EPHA10: variants seen among roughly 807,000 people sequenced by gnomAD.
EPHA10 encodes ephrin type-A receptor 10.
In EPHA10, 120 loss-of-function variants were observed where a neutral mutation model predicts 109.7. The ratio of observed to expected loss-of-function variants is 1.09; its 90% CI spans 0.94 to 1.27. The LOEUF is 1.27. EPHA10 is among the 50% of genes most tolerant of loss of function. The pLI is 0.00. For synonymous variants in EPHA10, 640 were observed against 618.9 expected (o/e 1.03, Z -0.51); for missense variants, 1,396 against 1,411.1 (o/e 0.99, Z 0.17).
chr1:37,724,841 G>C (rs981305496), intron 8 of EPHA10, among the ~76,000 whole-genome samples: 9 of 152,160 alleles, frequency 5.9e-5, no homozygotes, highest in African/African-American at 2.2e-4. Context: ...GGACTGGGTG[G>C]CTCCATTTTC....
At position 37,731,414 on chromosome 1, in the gene EPHA10, C is replaced by A; in HGVS notation, c.1660G>T (p.Glu554Ter). The A allele has an allele frequency of 1.2e-6, 2 of 1,604,028 alleles. No homozygotes were observed. Among genetic ancestry groups the A allele is most frequent in the Admixed American group, 1.7e-5 (1 of 59,106 alleles). The change falls in exon 7 of 17, where the codon GAG (glutamate) becomes TAG (stop). Residue 554 changes from glutamate to a stop codon, truncating the protein, a stop_gained. Coordinates refer to ENST00000373048, the MANE Select transcript of EPHA10 (RefSeq NM_001099439.2). LOFTEE classifies it high-confidence loss of function. ...NPSIEVQTLG[E>*]AASGSRDQSP... ...TCCACTCACACACACTACTTACCCT[C>A]CCCCAGGGTCTGTACTTCAATGCTG...
intron 7 of EPHA10, among the ~76,000 whole-genome samples, chr1:37,728,965 C>G (rs1448607417): frequency 6.6e-6 from 1 of 152,126 alleles, no homozygotes; most frequent in East Asian, 1.9e-4. Context: ...GTATCCATTC[C>G]CCATGAGCAC....
At chr1:37,719,736 A>T in intron 14 of EPHA10, 129 bp from the exon 15 acceptor site, 1 of 1,400,266 alleles carries the variant, frequency 7.1e-7, no homozygotes, top group Non-Finnish European at 9.9e-7. Context: ...ACACAGACAC[A>T]CACACACACA....
In EPHA10 at chr1:37,764,968, G is replaced by C; in HGVS notation, c.99C>G (p.Ala33=). The C allele has an allele frequency of 6.2e-7, 1 of 1,606,314 alleles. No homozygotes were observed. Among genetic ancestry groups the C allele is most frequent in the Non-Finnish European group, 8.5e-7 (1 of 1,177,502 alleles). ...LLLGPWRPGT[A]EEVILLDSKA... is the part of the protein sequence containing the mutation. ...GCTCACCAGTCTTCTCACCTTCCTC[G>C]GCGGTCCCAGGCCGCCAGGGTCCCA... Residue 33 remains alanine (A), a synonymous_variant, in exon 1 of 17, where the codon GCC becomes GCG. Transcript: ENST00000373048. The surrounding 1 kb of genome is among the most constrained non-coding windows in gnomAD (Gnocchi z 5.8).
chr1:37,744,478 C>A (rs1646201514), intron 5 of EPHA10, among the ~76,000 whole-genome samples: 1 of 151,676 alleles, frequency 6.6e-6, no homozygotes, highest in African/African-American at 2.4e-5. Context: ...AGAGATCATG[C>A]CACTGCACTC....
intron 5 of EPHA10, among the ~76,000 whole-genome samples, chr1:37,737,084 T>C (rs1251782612): frequency 1.3e-5 from 2 of 151,904 alleles, no homozygotes; most frequent in Non-Finnish European, 2.9e-5. Flanking sequence ...TTTGCAGAAA[T>C]AGAAAAAACA....
chr1:37,719,335 C>CG (rs1244736277), intron 15 of EPHA10, 79 bp downstream of exon 15: 1 of 1,488,834 alleles, frequency 6.7e-7, no homozygotes, highest in East Asian at 2.3e-5. Flanking sequence ...GTGGTGGAGG[C>CG]GGTGGGTTTG....
chr1:37,721,503 C>T (rs1300743251), intron 11 of EPHA10, among the ~76,000 whole-genome samples, 157 bp downstream of exon 11: 3 of 152,134 alleles, frequency 2.0e-5, no homozygotes, highest in Middle Eastern at 3.4e-3. Context: ...GGAGAAGGGC[C>T]GCCTTGAGTC....
chr1:37,762,721 G>C (rs867263310), intron 2 of EPHA10, 64 bp downstream of exon 2: 1 of 1,431,428 alleles, frequency 7.0e-7, no homozygotes, highest in African/African-American at 1.4e-5. Context: ...ATGAGGAGCT[G>C]AGGAGACTGT....
Position 37,752,856 on chromosome 1 carries a change from G to A in EPHA10, c.1357+20C>T. On this transcript the variant is annotated intron_variant, in intron 5 of 16. Coordinates refer to ENST00000373048, the MANE Select transcript of EPHA10 (RefSeq NM_001099439.2). ...CGGCAGGCGCGGTGGCCTCGGGGTG[G>A]GGGGCGCGGACGGCCTTACCCCCGG... is the stretch of plus-strand genomic sequence containing the variant. 1 of 1,255,478 alleles carries A rather than the reference G, an allele frequency of 8.0e-7. No individual in the cohort carries two copies. The highest frequency in any genetic ancestry group is 1.0e-6 in the Non-Finnish European group (1 of 999,358). 77.8% of individuals were successfully genotyped at this position (1,255,478 alleles called of 1,614,324 possible). A position where few individuals can be genotyped will look rare whatever the true frequency, so the allele number is the denominator to read the frequency against.
intron 3 of EPHA10, chr1:37,756,709 C>T (rs1185239671): frequency 1.3e-5 from 2 of 152,324 alleles, no homozygotes; most frequent in African/African-American, 2.4e-5. Flanking sequence ...CCATTAGCTT[C>T]GCTGTCTGTA....
At chr1:37,722,316 A>C in intron 10 of EPHA10, 1 of 245,622 alleles carries the variant, frequency 4.1e-6, no homozygotes, top group Non-Finnish European at 8.3e-6. Context: ...AGGACAGGGC[A>C]TATGCCAGCA....
At position 37,717,528 on chromosome 1, in the gene EPHA10, T is replaced by G; in HGVS notation, c.*844A>C. The G allele has an allele frequency of 4.3e-6, 1 of 231,262 alleles. No homozygotes were observed. The highest frequency in any genetic ancestry group is 8.6e-6 in the Non-Finnish European group (1 of 116,820). 14.3% of individuals were successfully genotyped at this position (231,262 alleles called of 1,614,324 possible). On this transcript the variant is annotated 3_prime_UTR_variant, in exon 17 of 17. Transcript: ENST00000373048. ...CCATCTCTGAGTCTCCTCTTCACCCTCCCCATGGCTGGAGAGAAAAGCTCT... is the reference window on the plus strand; with the variant it reads ...CCATCTCTGAGTCTCCTCTTCACCCGCCCCATGGCTGGAGAGAAAAGCTCT...
At chr1:37,731,982 A>G (rs1248244194) in intron 6 of EPHA10, among the ~76,000 whole-genome samples, 1 of 152,198 alleles carries the variant, frequency 6.6e-6, no homozygotes, top group Non-Finnish European at 1.5e-5. Context: ...GCCCTGACAC[A>G]TGAAAGCCCC....
At chr1:37,730,664 C>T (rs1380470387) in intron 7 of EPHA10, among the ~76,000 whole-genome samples, 1 of 152,052 alleles carries the variant, frequency 6.6e-6, no homozygotes, top group Non-Finnish European at 1.5e-5. Context: ...CGTTCGCATA[C>T]CATGTGATTT....
At chr1:37,759,675 C>T (rs2148369797) in intron 3 of EPHA10, among the ~76,000 whole-genome samples, 1 of 152,206 alleles carries the variant, frequency 6.6e-6, no homozygotes, top group Admixed American at 6.5e-5. Flanking sequence ...CCCACCTACT[C>T]AGGAGGCTGA....
intron 5 of EPHA10, among the ~76,000 whole-genome samples, chr1:37,750,781 A>T (rs1185950487): frequency 6.6e-6 from 1 of 151,898 alleles, no homozygotes; most frequent in Non-Finnish European, 1.5e-5. Flanking sequence ...GGGTCTCACT[A>T]TATTGCTCCT....
chr1:37,741,985 G>A (rs1220550667), intron 5 of EPHA10, among the ~76,000 whole-genome samples: 15 of 152,216 alleles, frequency 9.9e-5, no homozygotes, highest in Admixed American at 9.2e-4. Flanking sequence ...AGATGGGGCA[G>A]AGATGGAAAA....
At chr1:37,722,210 A>G in intron 10 of EPHA10, 1 of 230,092 alleles carries the variant, frequency 4.3e-6, no homozygotes, top group East Asian at 1.3e-4. Flanking sequence ...GTGACCTCGA[A>G]TTCCATCTCT....
Sources: gnomAD v4.1 joint callset for allele counts (sites outside exome capture counted in the v4.1 genomes callset) on GRCh38, gnomAD v4.1.1 for gene constraint, Gnocchi (gnomAD v3.1) non-coding constraint, MANE v1.5 for transcripts, NCBI Gene and HGNC (gene_info 2026-07-23, HGNC 2026-07-21) for gene names.